Variants in NAA15 observed in about 807,000 individuals in gnomAD.
The protein encoded by NAA15 is N-alpha-acetyltransferase 15, NatA auxiliary subunit.
In NAA15, 34 loss-of-function variants were observed where a neutral mutation model predicts 114.0. The ratio of observed to expected loss-of-function variants is 0.30; its 90% CI spans 0.23 to 0.40. NAA15 has a LOEUF of 0.40. Ranked by LOEUF, NAA15 falls within the 10% of genes least tolerant of loss-of-function variation. The probability of loss-of-function intolerance (pLI) is 1.00; values close to 1 mark genes in which losing one functional copy is unlikely to be tolerated. For synonymous variants in NAA15, 340 were observed against 338.0 expected (o/e 1.01, Z -0.06); for missense variants, 658 against 1,004.5 (o/e 0.66, Z 4.66).
chr4:139,325,077 C>T (rs919962198), intron 1 of NAA15, among the ~76,000 whole-genome samples: 2 of 151,722 alleles, frequency 1.3e-5, no homozygotes, highest in Non-Finnish European at 2.9e-5. Flanking sequence ...AAGTAAAAAG[C>T]TAACTGCTGT....
intron 11 of NAA15, among the ~76,000 whole-genome samples, chr4:139,359,071 C>T (rs1748053827): frequency 6.6e-6 from 1 of 151,032 alleles, no homozygotes. Context: ...TGCCACTGTA[C>T]TCTAGTCTGG....
intron 5 of NAA15, among the ~76,000 whole-genome samples, chr4:139,343,652 T>C (rs943331629): frequency 3.3e-5 from 5 of 152,268 alleles, no homozygotes; most frequent in African/African-American, 1.2e-4. Flanking sequence ...ATTGGGTCCT[T>C]CTGCGTTCAT....
rs1352410151 is a variant in NAA15, at chr4:139,336,405, A to G, written c.140-443A>G. On this transcript the variant is annotated intron_variant, in intron 2 of 19. Transcript: ENST00000296543. ...ATAAATTTAGGAAAATAAAAAATGT[A>G]GGAAATTTATGTGTATTTTTTAAAT... 7.2e-5 allele frequency among the ~76,000 whole-genome samples: 11 copies of G among 152,298 alleles called. No homozygotes were observed. In the East Asian group the frequency reaches 2.1e-3, roughly 29 times the overall value.
intron 10 of NAA15, among the ~76,000 whole-genome samples, chr4:139,356,049 C>T (rs1747938737): frequency 6.6e-6 from 1 of 152,068 alleles, no homozygotes. Context: ...ATTGTTGGTT[C>T]AATAGCATCC....
At chr4:139,315,051 GTTAGTTTAGTTTAGT>G (rs770420396) in intron 1 of NAA15, among the ~76,000 whole-genome samples, 9 of 112,446 alleles carry the variant, frequency 8.0e-5, no homozygotes, top group Admixed American at 2.6e-4. Flanking sequence ...GTTAGGTTAG[GTTAGTTTAGTTTAGT>G]TTAGTTTAGT....
intron 1 of NAA15, among the ~76,000 whole-genome samples, chr4:139,310,464 A>C (rs909450327): frequency 2.6e-5 from 4 of 151,562 alleles, no homozygotes; most frequent in East Asian, 1.9e-4. Flanking sequence ...AAAAAAAAAA[A>C]AAAAACATTT....
intron 1 of NAA15, chr4:139,302,639 A>C (rs1745843877): frequency 6.6e-6 from 1 of 152,232 alleles, no homozygotes; most frequent in South Asian, 2.1e-4. Flanking sequence ...TTTCTTATAC[A>C]CTGAAGTATA....
At chr4:139,345,374 A>G (rs371057374) in intron 6 of NAA15, among the ~76,000 whole-genome samples, 7 of 152,348 alleles carry the variant, frequency 4.6e-5, no homozygotes, top group East Asian at 1.9e-4. Context: ...CTCATTGGCC[A>G]CTAAATAGCT....
At chr4:139,312,596 T>C (rs931510339) in intron 1 of NAA15, among the ~76,000 whole-genome samples, 3 of 151,830 alleles carry the variant, frequency 2.0e-5, no homozygotes, top group Admixed American at 6.6e-5. Flanking sequence ...TGTAATCCCA[T>C]CGCTTTGGGA....
At chr4:139,306,144 A>T (rs1362184823) in intron 1 of NAA15, among the ~76,000 whole-genome samples, 10 of 152,200 alleles carry the variant, frequency 6.6e-5, no homozygotes, top group Admixed American at 5.9e-4. Flanking sequence ...CATTGTCCTA[A>T]GTTAGTCAAA....
At chr4:139,305,180 T>A (rs1411337231) in intron 1 of NAA15, among the ~76,000 whole-genome samples, 1 of 152,232 alleles carries the variant, frequency 6.6e-6, no homozygotes, top group Non-Finnish European at 1.5e-5. Context: ...TGATTAAACA[T>A]CTTAATTTTT....
Position 139,389,682 on chromosome 4 carries a change from A to T in NAA15, c.*1598A>T, listed in dbSNP as rs1748999113. 1 of 152,652 alleles carries T rather than the reference A, an allele frequency of 6.6e-6. No individual in the cohort carries two copies. Among genetic ancestry groups the T allele is most frequent in the Non-Finnish European group, 1.5e-5 (1 of 68,040 alleles). 9.5% of individuals were successfully genotyped at this position (152,652 alleles called of 1,614,324 possible). On this transcript the variant is annotated 3_prime_UTR_variant, in exon 20 of 20. Transcript: ENST00000296543. ...CATTTGCAAGATCTGAGCAAATAAG[A>T]TTAAGTAAAACAAATCAATTGTATA...
rs1350267272 is a variant in NAA15 at position 139,314,988 on chromosome 4, CAGTTCAGTTCAGTTT to C, written c.54+13162_54+13176del. Among the ~76,000 whole-genome samples the C allele has an allele frequency of 3.4e-4, 7 of 20,802 alleles. No individual in the cohort carries two copies. The East Asian group carries it at 5.0e-3, about 15-fold the overall frequency. The allele number at this position is 20,802 out of a possible 152,430, so 13.6% of individuals were successfully genotyped here. On this transcript the variant is annotated intron_variant, in intron 1 of 19. Coordinates refer to ENST00000296543, the MANE Select transcript of NAA15 (RefSeq NM_057175.5). ...ACCACACCCGGCCTAGAGAAGCGTTCAGTTCAGTTCAGTTTAGTTTAGGTTAGGTTAGGTTAGGTT... is the reference window on the plus strand; with the variant it reads ...ACCACACCCGGCCTAGAGAAGCGTTCAGTTTAGGTTAGGTTAGGTTAGGTT...
Position 139,333,895 on chromosome 4 carries a change from T to G in NAA15, c.55-279T>G, listed in dbSNP as rs144339173. Reference sequence around the variant, plus strand: ...GCCTGGGTGACAGAGTGAGTCTCAGTCTTAAAAAAAAATAAATAAAAGAAA... The same window carrying G: ...GCCTGGGTGACAGAGTGAGTCTCAGGCTTAAAAAAAAATAAATAAAAGAAA... On this transcript the variant is annotated intron_variant, in intron 1 of 19. Transcript: ENST00000296543. Among the ~76,000 whole-genome samples, 213 of 152,230 alleles carry G rather than the reference T, an allele frequency of 1.4e-3. 2 individuals carry two copies. Among genetic ancestry groups the G allele is most frequent in the African/African-American group, 4.8e-3 (201 of 41,526 alleles).
intron 1 of NAA15, among the ~76,000 whole-genome samples, chr4:139,322,394 C>A (rs1180969666): frequency 6.6e-6 from 1 of 152,202 alleles, no homozygotes; most frequent in Non-Finnish European, 1.5e-5. Context: ...GTCCAATAAA[C>A]CTCTTTGTTT....
At chr4:139,348,528 G>A (rs995638716) in intron 6 of NAA15, among the ~76,000 whole-genome samples, 3 of 151,770 alleles carry the variant, frequency 2.0e-5, no homozygotes, top group Non-Finnish European at 4.4e-5. Context: ...AAATGAGAGC[G>A]AAAGATATAA....
intron 14 of NAA15, among the ~76,000 whole-genome samples, chr4:139,367,578 TTTA>T (rs1342240578): frequency 1.3e-5 from 2 of 152,178 alleles, no homozygotes; most frequent in Non-Finnish European, 2.9e-5. Context: ...TCTTAGAAGT[TTTA>T]TTGTTTGAGA....
intron 3 of NAA15, among the ~76,000 whole-genome samples, chr4:139,337,523 A>C (rs1194321057): frequency 6.6e-6 from 1 of 152,214 alleles, no homozygotes; most frequent in African/African-American, 2.4e-5. Context: ...ATGATGAGAT[A>C]TATAACATAG....
chr4:139,328,177 T>G lies in NAA15; in HGVS notation c.55-5997T>G, dbSNP rs191534626. Among the ~76,000 whole-genome samples, 288 of 152,180 alleles carry G rather than the reference T, an allele frequency of 1.9e-3. 3 individuals are homozygous for G. The highest frequency in any genetic ancestry group is 6.6e-3 in the African/African-American group (274 of 41,536). ...CTGCTTTACTCTTATCTGGGAAAGG[T>G]TCCATTTTAAAAAAATTGAAATTAA... On this transcript the variant is annotated intron_variant, in intron 1 of 19. Transcript: ENST00000296543.
Sources: allele counts gnomAD v4.1 joint callset (sites outside exome capture counted in the v4.1 genomes callset), GRCh38; gene constraint gnomAD v4.1.1; transcripts MANE v1.5; gene names NCBI Gene and HGNC (gene_info 2026-07-23, HGNC 2026-07-21).